Variants in IGSF11 observed in about 807,000 individuals in gnomAD.
IGSF11 encodes the protein immunoglobulin superfamily member 11, also known as CXADR like 1.
A neutral mutation model predicts 41.0 loss-of-function variants in IGSF11; 22 were observed. The observed-to-expected ratio is 0.54, with a 90% confidence interval of 0.38 to 0.77. IGSF11 has a LOEUF of 0.77. IGSF11 is among the 30% of genes least tolerant of loss of function. IGSF11 has a pLI of 0.00. For synonymous variants in IGSF11, 219 were observed against 201.3 expected (o/e 1.09, Z -0.74); for missense variants, 444 against 530.8 (o/e 0.84, Z 1.61).
intron 1 of IGSF11, among the ~76,000 whole-genome samples, chr3:118,979,525 C>G (rs979596200): frequency 6.6e-6 from 1 of 152,008 alleles, no homozygotes; most frequent in Non-Finnish European, 1.5e-5. Context: ...ATACAAAAAT[C>G]AACTCAAGAT....
At chr3:119,137,043 G>A (rs2077572669) in intron 1 of IGSF11, among the ~76,000 whole-genome samples, 1 of 151,934 alleles carries the variant, frequency 6.6e-6, no homozygotes, top group East Asian at 1.9e-4. Context: ...TACAATAAAA[G>A]CTATAAGACA....
rs750099863 is a variant in IGSF11 at position 118,930,131 on chromosome 3, T to C, written c.197A>G (p.Asn66Ser). Residue 66 changes from asparagine (N) to serine (S), a missense_variant, in exon 2 of 7, where the codon AAT becomes AGT. By Grantham distance (46) the Asn-to-Ser change is conservative. Coordinates refer to ENST00000393775, the MANE Select transcript of IGSF11 (RefSeq NM_001015887.3). ...AAATACCTGTTCAGGTTGGTTGGCATTGGAGAGAGGAGTGACCATCCAAAT... is the reference window on the plus strand; with the variant it reads ...AAATACCTGTTCAGGTTGGTTGGCACTGGAGAGAGGAGTGACCATCCAAAT... ...NVIWMVTPLS[N>S]ANQPEQVILY... 6.2e-6 allele frequency: 10 copies of C among 1,613,410 alleles called. No individual in the cohort carries two copies. Among genetic ancestry groups the C allele is most frequent in the Admixed American group, 3.3e-5 (2 of 59,926 alleles).
chr3:119,124,855 A>C (rs888881910), intron 1 of IGSF11, among the ~76,000 whole-genome samples: 1 of 152,146 alleles, frequency 6.6e-6, no homozygotes, highest in Admixed American at 6.5e-5. Context: ...TACCTCAAGG[A>C]GGTAATAAAT....
intron 1 of IGSF11, among the ~76,000 whole-genome samples, chr3:119,071,321 A>G (rs2076396538): frequency 1.3e-5 from 2 of 152,156 alleles, no homozygotes; most frequent in Admixed American, 1.3e-4. Context: ...AAATATTTTT[A>G]GTTTTGATGT....
intron 1 of IGSF11, among the ~76,000 whole-genome samples, chr3:119,145,131 G>A (rs1196724773): frequency 2.0e-5 from 3 of 152,152 alleles, no homozygotes; most frequent in Non-Finnish European, 4.4e-5. Context: ...TAAGTATGGT[G>A]TCAAGTGTAT....
At chr3:119,050,710 A>C (rs533432514) in intron 1 of IGSF11, among the ~76,000 whole-genome samples, 1 of 152,086 alleles carries the variant, frequency 6.6e-6, no homozygotes, top group East Asian at 1.9e-4. Context: ...TGTTTATTGC[A>C]GCATTATTCA....
At chr3:119,048,689 A>C (rs1356233123) in intron 1 of IGSF11, among the ~76,000 whole-genome samples, 1 of 151,962 alleles carries the variant, frequency 6.6e-6, no homozygotes, top group Non-Finnish European at 1.5e-5. Flanking sequence ...GCAGAGACAC[A>C]ACAAAAAAAG....
At chr3:118,939,511 G>A (rs1943520194) in intron 1 of IGSF11, among the ~76,000 whole-genome samples, 1 of 151,844 alleles carries the variant, frequency 6.6e-6, no homozygotes, top group African/African-American at 2.4e-5. Flanking sequence ...AGGAGGCAAA[G>A]GTTGCAGTGA....
chr3:119,031,544 G>C (rs1321788002), intron 1 of IGSF11, among the ~76,000 whole-genome samples: 1 of 152,204 alleles, frequency 6.6e-6, no homozygotes, highest in African/African-American at 2.4e-5. Flanking sequence ...GTCACCTGGG[G>C]AGGGGAAGCC....
intron 1 of IGSF11, among the ~76,000 whole-genome samples, chr3:118,965,218 C>T (rs1442282100): frequency 6.6e-6 from 1 of 152,002 alleles, no homozygotes; most frequent in Admixed American, 6.6e-5. Flanking sequence ...AGATCAGGAG[C>T]CTTCAATTTA....
chr3:118,956,858 A>G (rs1944996387), intron 1 of IGSF11, among the ~76,000 whole-genome samples: 1 of 152,220 alleles, frequency 6.6e-6, no homozygotes, highest in South Asian at 2.1e-4. Flanking sequence ...CACTAGATGC[A>G]GGGTTGCCTT....
chr3:119,066,351 T>C (rs2107460327), intron 1 of IGSF11, among the ~76,000 whole-genome samples: 1 of 152,350 alleles, frequency 6.6e-6, no homozygotes, highest in South Asian at 2.1e-4. Context: ...CTACGTATAG[T>C]CTTTTTTGGA....
upstream of IGSF11, among the ~76,000 whole-genome samples, chr3:119,105,698 T>TA (rs1553730988): frequency 6.6e-6 from 1 of 152,142 alleles, no homozygotes; most frequent in Non-Finnish European, 1.5e-5. Flanking sequence ...ACACATACCA[T>TA]ACATGAAGTC....
chr3:119,113,236 C>T (rs1366933460), intron 1 of IGSF11, among the ~76,000 whole-genome samples: 1 of 152,172 alleles, frequency 6.6e-6, no homozygotes, highest in Admixed American at 6.5e-5. Flanking sequence ...TTTCATAATA[C>T]AATTATGCCT....
chr3:118,912,234 T>G (rs1940417234), intron 4 of IGSF11, among the ~76,000 whole-genome samples: 1 of 151,998 alleles, frequency 6.6e-6, no homozygotes, highest in Non-Finnish European at 1.5e-5. Context: ...AAGGGAGGTG[T>G]TTTTTTTCTA....
intron 3 of IGSF11, among the ~76,000 whole-genome samples, chr3:118,927,494 T>C (rs1248829898): frequency 6.6e-6 from 1 of 152,142 alleles, no homozygotes; most frequent in East Asian, 1.9e-4. Context: ...GTTTTGAGAA[T>C]AGAAATCCCC....
chr3:118,920,698 T>C (rs552948361), intron 4 of IGSF11, among the ~76,000 whole-genome samples: 1 of 152,218 alleles, frequency 6.6e-6, no homozygotes, highest in South Asian at 2.1e-4. Context: ...GTAAAGAAAA[T>C]TGGCATAATT....
intron 1 of IGSF11, among the ~76,000 whole-genome samples, chr3:119,005,247 T>C (rs1444856089): frequency 1.4e-5 from 2 of 146,376 alleles, no homozygotes; most frequent in Non-Finnish European, 3.0e-5. Context: ...TGATCTTTGT[T>C]GGTTTAAAGT....
intron 4 of IGSF11, among the ~76,000 whole-genome samples, chr3:118,918,968 A>G (rs1326793604): frequency 9.2e-6 from 1 of 108,192 alleles, no homozygotes; most frequent in Non-Finnish European, 1.7e-5. Context: ...ACCTACAACT[A>G]TCTGATCTTT....
Sources: allele counts gnomAD v4.1 joint callset (sites outside exome capture counted in the v4.1 genomes callset), GRCh38; gene constraint gnomAD v4.1.1; transcripts MANE v1.5; gene names NCBI Gene and HGNC (gene_info 2026-07-23, HGNC 2026-07-21).